HSD17B4: variants seen among roughly 807,000 people sequenced by gnomAD.
HSD17B4 encodes peroxisomal multifunctional enzyme type 2.
A neutral mutation model predicts 101.0 loss-of-function variants in HSD17B4; 70 were observed. That is an observed-to-expected ratio of 0.69 (90% CI 0.57 to 0.85). The LOEUF is 0.85. Ranked by LOEUF, HSD17B4 falls within the 40% of genes least tolerant of loss-of-function variation. The probability of loss-of-function intolerance (pLI) is 0.00; values close to 1 mark genes in which losing one functional copy is unlikely to be tolerated. For missense variants in HSD17B4, 984 were observed against 892.4 expected, an observed-to-expected ratio of 1.10 and a Z score of -1.31; for synonymous variants, 347 against 297.1, an observed-to-expected ratio of 1.17 and a Z score of -1.73.
chr5:119,466,545 CAT>C (rs1305327442), intron 2 of HSD17B4, among the ~76,000 whole-genome samples: 2 of 152,028 alleles, frequency 1.3e-5, no homozygotes, highest in Non-Finnish European at 2.9e-5. Flanking sequence ...GGTAGTAGGT[CAT>C]ATGTCTATGT....
At chr5:119,481,694 G>A (rs1021992170) in intron 8 of HSD17B4, among the ~76,000 whole-genome samples, 2 of 152,132 alleles carry the variant, frequency 1.3e-5, no homozygotes, top group African/African-American at 4.8e-5. Flanking sequence ...AATGGAGTGA[G>A]CACATGCTGT....
chr5:119,509,429 G>C (rs747422783), intron 16 of HSD17B4, 185 bp downstream of exon 16: 6 of 695,988 alleles, frequency 8.6e-6, no homozygotes, highest in South Asian at 7.5e-5. Flanking sequence ...CTCCTCCTCA[G>C]CCTACCCAAT....
intron 12 of HSD17B4, among the ~76,000 whole-genome samples, chr5:119,497,470 G>A (rs901760267): frequency 2.6e-5 from 4 of 152,114 alleles, no homozygotes; most frequent in Non-Finnish European, 5.9e-5. Flanking sequence ...TTTAAGGATA[G>A]CTTTAAATTG....
intron 14 of HSD17B4, among the ~76,000 whole-genome samples, chr5:119,506,084 G>T (rs1751624133): frequency 6.6e-6 from 1 of 152,052 alleles, no homozygotes; most frequent in Non-Finnish European, 1.5e-5. Context: ...TGTTACATAG[G>T]TATACACGTG....
At chr5:119,526,119 G>T in intron 19 of HSD17B4, 96 bp downstream of exon 19, 1 of 773,888 alleles carries the variant, frequency 1.3e-6, no homozygotes, top group Non-Finnish European at 2.3e-6. Flanking sequence ...AATAGATATT[G>T]TACTACAGCA....
chr5:119,501,304 C>T (rs906255097), intron 13 of HSD17B4, among the ~76,000 whole-genome samples: 5 of 143,760 alleles, frequency 3.5e-5, no homozygotes, highest in Non-Finnish European at 4.8e-5. Context: ...ACCTCCCCTT[C>T]TTCTTCTTCC....
At chr5:119,539,752 T>G (rs1358233779) in intron 23 of HSD17B4, among the ~76,000 whole-genome samples, 2 of 151,866 alleles carry the variant, frequency 1.3e-5, no homozygotes, top group Non-Finnish European at 1.5e-5. Flanking sequence ...AATAGTATTT[T>G]TAAGGTTGGG....
chr5:119,529,479 A>G (rs1023235620), intron 20 of HSD17B4, among the ~76,000 whole-genome samples: 5 of 152,164 alleles, frequency 3.3e-5, no homozygotes, highest in Non-Finnish European at 5.9e-5. Context: ...CTATTGTGCT[A>G]TGCCTTTTAC....
chr5:119,525,138 C>A, intron 17 of HSD17B4, 78 bp from the exon 18 acceptor site: 2 of 931,070 alleles, frequency 2.1e-6, no homozygotes, highest in Non-Finnish European at 3.5e-6. Flanking sequence ...TACCAATAAC[C>A]AGCCATGTTT....
Position 119,506,897 on chromosome 5 carries a change from AT to A in HSD17B4, c.1333+11del. On this transcript the variant is annotated intron_variant, in intron 15 of 23. Coordinates refer to ENST00000510025, the MANE Select transcript of HSD17B4 (RefSeq NM_000414.4). ...TAGTGATTATTATGGATGGTAATTT[AT>A]TTACAATTCTTATAATAATATTGTT... 7.2e-7 allele frequency: 1 copy of A among 1,384,476 alleles called. No individual in the cohort carries two copies. Among genetic ancestry groups the A allele is most frequent in the Non-Finnish European group, 1.0e-6 (1 of 972,708 alleles). The allele number at this position is 1,384,476 out of a possible 1,614,324, so 85.8% of individuals were successfully genotyped here.
intron 21 of HSD17B4, 178 bp downstream of exon 21, chr5:119,530,158 AT>A (rs1753941586): frequency 6.6e-6 from 4 of 603,004 alleles, no homozygotes; most frequent in Non-Finnish European, 8.9e-6. Flanking sequence ...CTGGCAATTT[AT>A]GAACTTTAAA....
At chr5:119,501,274 CA>C (rs1751134873) in intron 13 of HSD17B4, among the ~76,000 whole-genome samples, 1 of 151,462 alleles carries the variant, frequency 6.6e-6, no homozygotes, top group Non-Finnish European at 1.5e-5. Flanking sequence ...AGCTGACCTT[CA>C]TTTGTCTTCT....
At chr5:119,533,794 T>A (rs1327325130) in intron 22 of HSD17B4, among the ~76,000 whole-genome samples, 1 of 152,122 alleles carries the variant, frequency 6.6e-6, no homozygotes, top group Admixed American at 6.6e-5. Context: ...CCTTGCTTCA[T>A]GACATGCAGG....
rs28943592 is a variant in HSD17B4 at position 119,536,489 on chromosome 5, C to T, written c.2060C>T (p.Thr687Ile). 3.1e-3 allele frequency: 5,070 copies of T among 1,611,912 alleles called. 180 individuals are homozygous for T. The East Asian group carries it at 0.084, about 27-fold the overall frequency. ...QGPAKGAADT[T>I]IILSDEDFME... ...CCTGCAAAAGGTGCTGCTGATACAACAATCATACTTTCAGATGAAGATTTC... is the reference window on the plus strand; with the variant it reads ...CCTGCAAAAGGTGCTGCTGATACAATAATCATACTTTCAGATGAAGATTTC... Residue 687 changes from threonine to isoleucine, a missense_variant, in exon 23 of 24, where the codon ACA (threonine) becomes ATA (isoleucine). By Grantham distance (89) the Thr-to-Ile change is moderately conservative. Transcript: ENST00000510025.
intron 2 of HSD17B4, among the ~76,000 whole-genome samples, chr5:119,462,088 T>C (rs925004284): frequency 1.2e-4 from 19 of 152,014 alleles, no homozygotes; most frequent in African/African-American, 4.6e-4. Context: ...ATATGGAAAA[T>C]GTACAAATGT....
chr5:119,494,506 A>G (rs918129539), intron 11 of HSD17B4, among the ~76,000 whole-genome samples: 1 of 151,952 alleles, frequency 6.6e-6, no homozygotes, highest in African/African-American at 2.4e-5. Context: ...CTTTTCTAAC[A>G]TAGTTCTTCT....
Position 119,478,842 on chromosome 5 carries a change from T to TGACTTCATCAGCTTCAG in HSD17B4, c.446_462dup (p.Ile155LeufsTer52). On this transcript the variant is annotated frameshift_variant, in exon 8 of 24. Coordinates refer to ENST00000510025, the MANE Select transcript of HSD17B4 (RefSeq NM_000414.4). LOFTEE classifies it high-confidence loss of function. The stretch of plus-strand genomic sequence containing the variant: ...ATTGATTTTCTTTTTAGGATTATTA[T>TGACTTCATCAGCTTCAG]GACTTCATCAGCTTCAGGAATATAT... 1 of 1,612,754 alleles carries TGACTTCATCAGCTTCAG rather than the reference T, an allele frequency of 6.2e-7. No homozygotes were observed. Among genetic ancestry groups the TGACTTCATCAGCTTCAG allele is most frequent in the Non-Finnish European group, 8.5e-7 (1 of 1,178,938 alleles).
chr5:119,521,666 A>T (rs1375520171), intron 17 of HSD17B4, among the ~76,000 whole-genome samples: 1 of 151,726 alleles, frequency 6.6e-6, no homozygotes, highest in Non-Finnish European at 1.5e-5. Flanking sequence ...CTTATAATTT[A>T]GTCTTCATTT....
intron 17 of HSD17B4, among the ~76,000 whole-genome samples, chr5:119,516,017 A>G (rs1385056534): frequency 6.6e-6 from 1 of 152,210 alleles, no homozygotes; most frequent in Non-Finnish European, 1.5e-5. Context: ...CTTAAAAGTT[A>G]AAAAATTTTT....
Sources: allele counts gnomAD v4.1 joint callset (sites outside exome capture counted in the v4.1 genomes callset), GRCh38; gene constraint gnomAD v4.1.1; transcripts MANE v1.5; gene names NCBI Gene and HGNC (gene_info 2026-07-23, HGNC 2026-07-21).